ARHGEF3: variants seen among roughly 807,000 people sequenced by gnomAD.
The protein encoded by ARHGEF3 is 59.8 kDA protein.
Under a neutral mutation model 63.2 loss-of-function variants are expected in ARHGEF3, and 28 were observed. That is an observed-to-expected ratio of 0.44 (90% CI 0.33 to 0.61). ARHGEF3 has a LOEUF of 0.61. ARHGEF3 is among the 20% of genes least tolerant of loss of function. ARHGEF3 has a pLI of 0.03. For synonymous variants in ARHGEF3, 266 were observed against 254.2 expected (o/e 1.05, Z -0.44); for missense variants, 533 against 659.3 (o/e 0.81, Z 2.10).
chr3:57,021,766 A>T (rs1206079724), intron 2 of ARHGEF3, among the ~76,000 whole-genome samples: 1 of 151,832 alleles, frequency 6.6e-6, no homozygotes, highest in South Asian at 2.1e-4. Flanking sequence ...AAAAAAAAAA[A>T]ATTTATTCAG....
rs182185605 is a variant in ARHGEF3 at position 57,064,196 on chromosome 3, G to C, written c.-28+15030C>G. Among the ~76,000 whole-genome samples, 23 of 152,322 alleles carry C rather than the reference G, an allele frequency of 1.5e-4. No homozygotes were observed. In the South Asian group the frequency reaches 2.7e-3, roughly 18 times the overall value. ...AGGTCAGAGGATTGCTTGAGCCTGG[G>C]GGGTAGAGGTTGCAGTGAGCTGAGA... On this transcript the variant is annotated intron_variant, in intron 1 of 12. Coordinates refer to the ARHGEF3 transcript ENST00000338458.
rs372416375 is a variant in ARHGEF3, at chr3:56,743,846, T to C, written c.870+1359A>G. ...ACCTCCTTGATCAGGTTTTCACACC[T>C]GGACAGCATCCTCCCAACTTGCATC... On this transcript the variant is annotated intron_variant, in intron 7 of 9. Coordinates refer to ENST00000296315, the MANE Select transcript of ARHGEF3 (RefSeq NM_019555.3). 3.1e-4 allele frequency among the ~76,000 whole-genome samples: 47 copies of C among 152,232 alleles called. No homozygotes were observed. The South Asian group carries it at 9.1e-3, about 30-fold the overall frequency.
intron 1 of ARHGEF3, among the ~76,000 whole-genome samples, chr3:57,065,547 T>C (rs1705481240): frequency 6.6e-6 from 1 of 152,232 alleles, no homozygotes; most frequent in South Asian, 2.1e-4. Flanking sequence ...ATATCTGCAC[T>C]ACCGTATGCA....
intron 2 of ARHGEF3, among the ~76,000 whole-genome samples, chr3:56,974,787 C>T (rs898181656): frequency 6.6e-6 from 1 of 152,132 alleles, no homozygotes; most frequent in African/African-American, 2.4e-5. Flanking sequence ...AGCAGCCTCA[C>T]GTCCCTCCGG....
intron 1 of ARHGEF3, among the ~76,000 whole-genome samples, chr3:56,781,805 T>C (rs910696386): frequency 6.6e-6 from 1 of 152,206 alleles, no homozygotes; most frequent in Non-Finnish European, 1.5e-5. Context: ...GTGGCCTTAA[T>C]TGAAGTATAC....
At chr3:56,801,577 G>A in intron 1 of ARHGEF3, 126 bp downstream of exon 1, 1 of 1,248,672 alleles carries the variant, frequency 8.0e-7, no homozygotes, top group Non-Finnish European at 1.1e-6. Context: ...AGAGAAAGTG[G>A]CACACACGGA....
chr3:56,992,042 G>C (rs924680313), intron 2 of ARHGEF3, among the ~76,000 whole-genome samples: 62 of 151,034 alleles, frequency 4.1e-4, no homozygotes, highest in South Asian at 3.4e-3. Context: ...GTGTGTGTGT[G>C]TGTGTGTGTG....
intron 2 of ARHGEF3, among the ~76,000 whole-genome samples, chr3:56,766,402 T>TG (rs1292832583): frequency 6.6e-6 from 1 of 152,150 alleles, no homozygotes; most frequent in African/African-American, 2.4e-5. Context: ...GGGCTACAAC[T>TG]GGGGGAGGGG....
chr3:57,055,238 G>A (rs563720910), intron 1 of ARHGEF3, among the ~76,000 whole-genome samples: 74 of 146,966 alleles, frequency 5.0e-4, no homozygotes, highest in Non-Finnish European at 8.0e-4. Context: ...CTCAGCTCAC[G>A]GCAACTTCTG....
chr3:57,072,460 G>A (rs1253732328), intron 1 of ARHGEF3, among the ~76,000 whole-genome samples: 3 of 151,730 alleles, frequency 2.0e-5, no homozygotes, highest in Admixed American at 6.6e-5. Context: ...AAAAAAATAG[G>A]CCAGGTGCGG....
chr3:56,751,277 T>G, intron 5 of ARHGEF3, 23 bp downstream of exon 5: 1 of 1,594,604 alleles, frequency 6.3e-7, no homozygotes, highest in Non-Finnish European at 8.6e-7. Flanking sequence ...AAGTCACGAC[T>G]CATCCTGGGA....
chr3:56,895,457 T>C (rs1234431649), intron 3 of ARHGEF3, among the ~76,000 whole-genome samples: 1 of 94,836 alleles, frequency 1.1e-5, no homozygotes, highest in Non-Finnish European at 2.1e-5. Flanking sequence ...ATTGTTCTTA[T>C]TTATTTATTT....
chr3:56,878,748 A>G (rs988595168), intron 4 of ARHGEF3, among the ~76,000 whole-genome samples: 1 of 152,212 alleles, frequency 6.6e-6, no homozygotes, highest in Non-Finnish European at 1.5e-5. Context: ...CTGTTCTGTA[A>G]GAATAACGTC....
intron 4 of ARHGEF3, among the ~76,000 whole-genome samples, chr3:56,820,872 A>G (rs1423499861): frequency 2.6e-5 from 4 of 151,966 alleles, no homozygotes; most frequent in Admixed American, 2.0e-4. Flanking sequence ...TGACTTATGA[A>G]AAAAAAGTGG....
intron 7 of ARHGEF3, among the ~76,000 whole-genome samples, chr3:56,740,215 C>A (rs954334158): frequency 6.6e-6 from 1 of 151,406 alleles, no homozygotes; most frequent in Non-Finnish European, 1.5e-5. Context: ...TCAGATATTT[C>A]TTTATTCTTT....
At chr3:56,842,625 A>G (rs2039350881) in intron 4 of ARHGEF3, among the ~76,000 whole-genome samples, 1 of 152,116 alleles carries the variant, frequency 6.6e-6, no homozygotes, top group South Asian at 2.1e-4. Flanking sequence ...GCCCCCTACA[A>G]TCATGTAGCC....
At chr3:56,924,433 G>A (rs1360604078) in intron 3 of ARHGEF3, among the ~76,000 whole-genome samples, 1 of 152,160 alleles carries the variant, frequency 6.6e-6, no homozygotes, top group Non-Finnish European at 1.5e-5. Context: ...CCCAAGATAG[G>A]GTTCTGGGAT....
intron 2 of ARHGEF3, among the ~76,000 whole-genome samples, chr3:56,766,590 C>A (rs1349036200): frequency 6.6e-6 from 1 of 152,204 alleles, no homozygotes; most frequent in Non-Finnish European, 1.5e-5. Flanking sequence ...TAGTATTAGG[C>A]ACTGTGGATA....
At chr3:56,911,419 A>G (rs967551131) in intron 3 of ARHGEF3, among the ~76,000 whole-genome samples, 5 of 152,148 alleles carry the variant, frequency 3.3e-5, no homozygotes, top group Non-Finnish European at 7.4e-5. Flanking sequence ...GCTTCCCAAG[A>G]GAACTGCCCA....
Sources: gnomAD v4.1 joint callset for allele counts (sites outside exome capture counted in the v4.1 genomes callset) on GRCh38, gnomAD v4.1.1 for gene constraint, MANE v1.5 for transcripts, NCBI Gene and HGNC (gene_info 2026-07-23, HGNC 2026-07-21) for gene names.